PCDHGA8: variants seen among roughly 807,000 people sequenced by gnomAD.
PCDHGA8 encodes the protein protocadherin gamma subfamily A, 8.
PCDHGA8 carries 45 observed loss-of-function variants against 59.2 expected under a neutral mutation model. The observed-to-expected ratio is 0.76, with a 90% CI of 0.60 to 0.98. The LOEUF (loss-of-function observed/expected upper bound fraction) is 0.98. PCDHGA8 is among the 50% of genes least tolerant of loss of function. The pLI is 0.00. For synonymous variants in PCDHGA8, 531 were observed against 519.0 expected, an observed-to-expected ratio of 1.02 and a Z score of -0.32; for missense variants, 1,257 against 1,196.2, an observed-to-expected ratio of 1.05 and a Z score of -0.75.
intron 1 of PCDHGA8, among the ~76,000 whole-genome samples, chr5:141,464,203 T>G (rs2099077714): frequency 6.6e-6 from 1 of 150,780 alleles, no homozygotes; most frequent in South Asian, 2.1e-4. Flanking sequence ...AGGCGGAGAT[T>G]GCAGTGAGCT....
chr5:141,439,364 G>A (rs1561894836), intron 1 of PCDHGA8, among the ~76,000 whole-genome samples: 2 of 152,142 alleles, frequency 1.3e-5, no homozygotes, highest in Admixed American at 1.3e-4. Context: ...CAAACATCAA[G>A]AAGAAATAAA....
chr5:141,446,075 A>G (rs907731619), intron 1 of PCDHGA8, among the ~76,000 whole-genome samples: 1 of 152,216 alleles, frequency 6.6e-6, no homozygotes, highest in Admixed American at 6.5e-5. Context: ...GAGGCAGTGG[A>G]TGTAGAAATA....
intron 1 of PCDHGA8, among the ~76,000 whole-genome samples, chr5:141,446,777 CT>C (rs1480571336): frequency 6.6e-6 from 1 of 152,072 alleles, no homozygotes; most frequent in South Asian, 2.1e-4. Context: ...GGTTACCATT[CT>C]TTTACTCTGA....
Position 141,478,335 on chromosome 5 carries a change from C to T in PCDHGA8, c.2425-16472C>T, listed in dbSNP as rs202213361. On this transcript the variant is annotated intron_variant, in intron 1 of 3. Coordinates refer to ENST00000398604, the MANE Select transcript of PCDHGA8 (RefSeq NM_032088.2). ...AGCTCACTGTACCGAACACCAGGGC[C>T]CTCCTTGCACGCGGACGCCGTGCGG... 4.7e-5 allele frequency: 76 copies of T among 1,613,822 alleles called. No individual in the cohort carries two copies. The highest frequency in any genetic ancestry group is 6.1e-5 in the Non-Finnish European group (72 of 1,180,028).
intron 1 of PCDHGA8, chr5:141,415,040 CG>C (rs878992043): frequency 6.2e-7 from 1 of 1,613,520 alleles, no homozygotes; most frequent in East Asian, 2.2e-5. Flanking sequence ...GGACTCTTCG[CG>C]GTGGGGGAGC....
chr5:141,418,693 T>G, intron 1 of PCDHGA8: 1 of 1,614,040 alleles, frequency 6.2e-7, no homozygotes, highest in Admixed American at 1.7e-5. Flanking sequence ...CAGAGATCAC[T>G]TATTCCTTCT....
chr5:141,489,530 G>A lies in PCDHGA8; in HGVS notation c.2425-5277G>A. 6.2e-7 allele frequency: 1 copy of A among 1,614,092 alleles called. No homozygotes were observed. Among genetic ancestry groups the A allele is most frequent in the Non-Finnish European group, 8.5e-7 (1 of 1,180,022 alleles). On this transcript the variant is annotated intron_variant, in intron 1 of 3. Transcript: ENST00000398604. This position sits in a 1 kb window ranked among gnomAD's most constrained non-coding sequence, Gnocchi z 4.5. ...AAGATTGACCGAGAAAGCCTATGTGGAGCCAGCACCAGCTGCCTGCTGCCA... is the reference window on the plus strand; with the variant it reads ...AAGATTGACCGAGAAAGCCTATGTGAAGCCAGCACCAGCTGCCTGCTGCCA...
intron 1 of PCDHGA8, chr5:141,421,189 C>T: frequency 1.4e-6 from 2 of 1,477,674 alleles, no homozygotes; most frequent in South Asian, 2.7e-5. Flanking sequence ...CACAACCAAC[C>T]AGCTCGAGAA....
chr5:141,432,079 G>A lies in PCDHGA8; in HGVS notation c.2424+36842G>A, dbSNP rs138510025. On this transcript the variant is annotated intron_variant, in intron 1 of 3. Transcript: ENST00000398604. The surrounding 1 kb of genome is among the most constrained non-coding windows in gnomAD (Gnocchi z 6.0). ...TATCCACGGAAACTCATATCTCGCT[G>A]AACGTGGCAGACACCAACGACAACC... 1.6e-4 allele frequency: 252 copies of A among 1,614,054 alleles called. No homozygotes were observed. The highest frequency in any genetic ancestry group is 8.1e-5 in the Non-Finnish European group (96 of 1,180,048).
At position 141,477,811 on chromosome 5, in the gene PCDHGA8, C is replaced by A. The variant is rs1211574518; in HGVS notation, c.2425-16996C>A. 1 of 1,614,046 alleles carries A rather than the reference C, an allele frequency of 6.2e-7. No individual in the cohort carries two copies. Among genetic ancestry groups the A allele is most frequent in the Non-Finnish European group, 8.5e-7 (1 of 1,180,034 alleles). On this transcript the variant is annotated intron_variant, in intron 1 of 3. Transcript: ENST00000398604. This position sits in a 1 kb window ranked among gnomAD's most constrained non-coding sequence, Gnocchi z 4.9. ...TCACTGATCGCAATGACAATGCCCC[C>A]CAGGTCCTATATCCTCGGCCAGGTG...
intron 1 of PCDHGA8, chr5:141,441,470 C>G (rs1170727138): frequency 5.9e-6 from 1 of 168,868 alleles, no homozygotes; most frequent in East Asian, 1.9e-4. Context: ...ATTGGCGATG[C>G]CAACGACAAT....
intron 1 of PCDHGA8, among the ~76,000 whole-genome samples, chr5:141,446,338 G>T (rs964323259): frequency 6.6e-6 from 1 of 152,128 alleles, no homozygotes; most frequent in African/African-American, 2.4e-5. Flanking sequence ...GGAACTGGAT[G>T]GACAAAGCTA....
chr5:141,433,379 CTAT>C (rs2097594474), intron 1 of PCDHGA8, among the ~76,000 whole-genome samples: 1 of 151,230 alleles, frequency 6.6e-6, no homozygotes, highest in Non-Finnish European at 1.5e-5. Context: ...ATCTATCTAT[CTAT>C]CTATCTATCT....
intron 1 of PCDHGA8, among the ~76,000 whole-genome samples, chr5:141,480,386 A>G (rs966068994): frequency 6.6e-6 from 1 of 151,826 alleles, no homozygotes; most frequent in Non-Finnish European, 1.5e-5. Context: ...CTACACTTCA[A>G]CCATGGCAAT....
At chr5:141,433,308 C>A in intron 1 of PCDHGA8, 2 of 915,352 alleles carry the variant, frequency 2.2e-6, no homozygotes, top group Non-Finnish European at 1.6e-6. Context: ...ATTATCCCAC[C>A]TTTGCCTCCG....
chr5:141,422,901 C>T (rs768086403), intron 1 of PCDHGA8: 5 of 1,614,276 alleles, frequency 3.1e-6, no homozygotes, highest in Non-Finnish European at 4.2e-6. Context: ...ACCAGAACGA[C>T]AATGCGCCCG....
intron 1 of PCDHGA8, among the ~76,000 whole-genome samples, chr5:141,488,713 C>A (rs1165389103): frequency 6.6e-6 from 1 of 152,184 alleles, no homozygotes; most frequent in Non-Finnish European, 1.5e-5. Context: ...CTGGTTCAAG[C>A]AAAGTGGTGG....
chr5:141,418,840 C>A, intron 1 of PCDHGA8: 1 of 1,614,006 alleles, frequency 6.2e-7, no homozygotes, highest in Non-Finnish European at 8.5e-7. Context: ...GAGGATCTCT[C>A]TCAACACGGT....
chr5:141,393,347 C>A lies in PCDHGA8; in HGVS notation c.534C>A (p.Phe178Leu). ...ACCAGCTCAGCCCCAATCACCACTT[C>A]TCCCTGGACGTGCAGACTGGAGACA... ...QSYQLSPNHH[F>L]SLDVQTGDNG... Residue 178 changes from phenylalanine to leucine, a missense_variant, in exon 1 of 4, where the codon TTC becomes TTA. By Grantham distance (22) the Phe-to-Leu change is conservative. Coordinates refer to ENST00000398604, the MANE Select transcript of PCDHGA8 (RefSeq NM_032088.2). The A allele has an allele frequency of 6.2e-7, 1 of 1,613,980 alleles. No individual in the cohort carries two copies. Among genetic ancestry groups the A allele is most frequent in the Non-Finnish European group, 8.5e-7 (1 of 1,179,892 alleles).
Sources: allele counts gnomAD v4.1 joint callset (sites outside exome capture counted in the v4.1 genomes callset), GRCh38; gene constraint gnomAD v4.1.1; non-coding constraint Gnocchi (gnomAD v3.1); transcripts MANE v1.5; gene names NCBI Gene and HGNC (gene_info 2026-07-23, HGNC 2026-07-21).